Variants in RALGPS2 observed in about 807,000 individuals in gnomAD.
The protein encoded by RALGPS2 is ras-specific guanine nucleotide-releasing factor RalGPS2.
RALGPS2 carries 43 observed loss-of-function variants against 86.8 expected under a neutral mutation model. That is an observed-to-expected ratio of 0.50 (90% confidence interval 0.39 to 0.64). RALGPS2 has a LOEUF of 0.64. RALGPS2 is among the 30% of genes least tolerant of loss of function. RALGPS2 has a pLI of 0.00. For missense variants in RALGPS2, 536 were observed against 694.6 expected (o/e 0.77, Z 2.57); for synonymous variants, 243 against 231.3 (o/e 1.05, Z -0.46).
chr1:178,849,404 C>T (rs1184273908), intron 8 of RALGPS2, among the ~76,000 whole-genome samples: 2 of 152,184 alleles, frequency 1.3e-5, no homozygotes, highest in African/African-American at 4.8e-5. Flanking sequence ...GTTTAGCATT[C>T]AGCCTAGTTT....
At position 178,886,199 on chromosome 1, in the gene RALGPS2, C is replaced by T; in HGVS notation, c.1192+79C>T. The stretch of plus-strand genomic sequence containing the variant: ...ATAAAACTTGGCTGGAAAAAAACCC[C>T]ACCCACACACAGAGAAAATTTGGTT... On this transcript the variant is annotated intron_variant, in intron 13 of 19. Transcript: ENST00000367635. The T allele has an allele frequency of 2.1e-6, 3 of 1,413,334 alleles. No homozygotes were observed. The South Asian group carries it at 3.9e-5, about 18-fold the overall frequency. The allele number at this position is 1,413,334 out of a possible 1,614,324, so 87.5% of individuals were successfully genotyped here. A position where few individuals can be genotyped will look rare whatever the true frequency, so the allele number is the denominator to read the frequency against.
rs546437749 is a variant in RALGPS2, at chr1:178,816,376, ATTTTG to A, written c.387+4979_387+4983del. ...TCATATGTATGTGGACCATTTGGATATTTTGTTTTGTGATACTATCCTTTCAAATC... is the reference window on the plus strand; with the variant it reads ...TCATATGTATGTGGACCATTTGGATATTTTGTGATACTATCCTTTCAAATC... On this transcript the variant is annotated intron_variant, in intron 6 of 19. Transcript: ENST00000367635. Among the ~76,000 whole-genome samples the A allele has an allele frequency of 2.1e-3, 325 of 151,842 alleles. 2 individuals carry two copies. Among genetic ancestry groups the A allele is most frequent in the Middle Eastern group, 0.01 (3 of 292 alleles).
intron 4 of RALGPS2, among the ~76,000 whole-genome samples, chr1:178,789,944 A>G (rs1254741380): frequency 1.3e-5 from 2 of 152,096 alleles, no homozygotes; most frequent in Non-Finnish European, 2.9e-5. Flanking sequence ...ATGTAGCACC[A>G]AAATACTTTT....
In RALGPS2 at chr1:178,784,561, AATTTAC is replaced by A. The variant is rs774275636; in HGVS notation, c.162+42_162+47del. On this transcript the variant is annotated intron_variant, in intron 3 of 19. Coordinates refer to ENST00000367635, the MANE Select transcript of RALGPS2 (RefSeq NM_152663.5). ...CTCTGTCTTCTCCGGTTTTGCACAT[AATTTAC>A]ATATTGGTGCTATTGAGTTAGAATT... 2.7e-6 allele frequency: 4 copies of A among 1,463,344 alleles called. No homozygotes were observed. In the Admixed American group the frequency reaches 7.2e-5, roughly 26 times the overall value. The allele number at this position is 1,463,344 out of a possible 1,614,324, so 90.6% of individuals were successfully genotyped here.
chr1:178,852,167 ACAG>A (rs985233792), intron 8 of RALGPS2, among the ~76,000 whole-genome samples: 1 of 152,088 alleles, frequency 6.6e-6, no homozygotes, highest in African/African-American at 2.4e-5. Flanking sequence ...TTGCTTTCTC[ACAG>A]CAGATTTTCC....
At chr1:178,867,186 A>C (rs1446409001) in intron 8 of RALGPS2, among the ~76,000 whole-genome samples, 1 of 152,118 alleles carries the variant, frequency 6.6e-6, no homozygotes, top group African/African-American at 2.4e-5. Context: ...ATATTTATTG[A>C]GTGCTTGTTC....
intron 11 of RALGPS2, among the ~76,000 whole-genome samples, chr1:178,884,109 T>G (rs1029319045): frequency 6.6e-6 from 1 of 152,160 alleles, no homozygotes; most frequent in Non-Finnish European, 1.5e-5. Context: ...GAATATTCAT[T>G]TTTGATTAAG....
chr1:178,878,759 T>C (rs1230664187), intron 9 of RALGPS2, 143 bp from the exon 10 acceptor site: 2 of 1,085,444 alleles, frequency 1.8e-6, no homozygotes, highest in African/African-American at 1.6e-5. Flanking sequence ...CATTAAAGTT[T>C]ATCTCAGTAA....
chr1:178,730,201 C>G (rs532751468), intron 1 of RALGPS2, among the ~76,000 whole-genome samples: 1 of 152,280 alleles, frequency 6.6e-6, no homozygotes, highest in Admixed American at 6.5e-5. Flanking sequence ...CCTGGCCTCC[C>G]TAAGTGCTGA....
At chr1:178,739,995 AATAG>A (rs1650927169) in intron 1 of RALGPS2, among the ~76,000 whole-genome samples, 1 of 152,208 alleles carries the variant, frequency 6.6e-6, no homozygotes, top group South Asian at 2.1e-4. Flanking sequence ...TATTTGAAAT[AATAG>A]ATAATAGTGG....
intron 1 of RALGPS2, chr1:178,747,117 T>G: frequency 2.2e-6 from 2 of 921,952 alleles, no homozygotes; most frequent in Non-Finnish European, 1.8e-6. Context: ...ACTTGTTTAA[T>G]GTTAATATCA....
Position 178,773,769 on chromosome 1 carries a change from C to CAG in RALGPS2, c.-83-2913_-83-2912insAG, listed in dbSNP as rs199605630. Among the ~76,000 whole-genome samples the CAG allele has an allele frequency of 9.3e-3, 1,392 of 149,236 alleles. 11 individuals are homozygous for CAG. Among genetic ancestry groups the CAG allele is most frequent in the South Asian group, 0.028 (134 of 4,714 alleles). On this transcript the variant is annotated intron_variant, in intron 1 of 19. Coordinates refer to ENST00000367635, the MANE Select transcript of RALGPS2 (RefSeq NM_152663.5). ...CAAGATCCCGCCACTGCACTCCAGCCTGGGCGACAGAGCAAGACTCCGTCT... is the reference window on the plus strand; with the variant it reads ...CAAGATCCCGCCACTGCACTCCAGCCAGTGGGCGACAGAGCAAGACTCCGTCT...
chr1:178,791,656 C>A (rs1010472598), intron 4 of RALGPS2, among the ~76,000 whole-genome samples: 2 of 152,160 alleles, frequency 1.3e-5, no homozygotes, highest in Non-Finnish European at 2.9e-5. Context: ...ATATCTCCCA[C>A]TCCTGATTTA....
intron 6 of RALGPS2, among the ~76,000 whole-genome samples, chr1:178,820,397 G>C (rs2102222895): frequency 6.6e-6 from 1 of 152,160 alleles, no homozygotes; most frequent in African/African-American, 2.4e-5. Context: ...GGCCCTTTCT[G>C]GTTTCATCTT....
intron 8 of RALGPS2, among the ~76,000 whole-genome samples, chr1:178,838,663 A>T (rs1656411839): frequency 6.6e-6 from 1 of 152,228 alleles, no homozygotes; most frequent in African/African-American, 2.4e-5. Context: ...AGCTGGATGG[A>T]TAATGACTTT....
intron 4 of RALGPS2, among the ~76,000 whole-genome samples, chr1:178,790,547 A>G (rs540945003): frequency 2.0e-5 from 3 of 152,156 alleles, no homozygotes; most frequent in South Asian, 2.1e-4. Context: ...AACGCATGCT[A>G]TTGCAGTTTC....
At chr1:178,775,635 T>C (rs921715469) in intron 1 of RALGPS2, among the ~76,000 whole-genome samples, 5 of 152,246 alleles carry the variant, frequency 3.3e-5, no homozygotes, top group Admixed American at 1.3e-4. Context: ...ATCTGTGTTG[T>C]GAAAAGAATA....
At chr1:178,793,591 G>A (rs1025974811) in intron 4 of RALGPS2, among the ~76,000 whole-genome samples, 4 of 151,916 alleles carry the variant, frequency 2.6e-5, no homozygotes, top group African/African-American at 9.7e-5. Flanking sequence ...AGTCAAGCAC[G>A]TACAGATTGG....
chr1:178,853,125 C>CTTTT (rs1558150461), intron 8 of RALGPS2: 1 of 985,218 alleles, frequency 1.0e-6, no homozygotes, highest in African/African-American at 1.7e-5. Context: ...TTGTCATTCT[C>CTTTT]TTTTTGTTTG....
Sources: allele counts gnomAD v4.1 joint callset (sites outside exome capture counted in the v4.1 genomes callset), GRCh38; gene constraint gnomAD v4.1.1; transcripts MANE v1.5; gene names NCBI Gene and HGNC (gene_info 2026-07-23, HGNC 2026-07-21).